Variants in BCAR3 observed in about 807,000 individuals in gnomAD.
The protein encoded by BCAR3 is breast cancer anti-estrogen resistance protein 3.
Under a neutral mutation model 80.1 loss-of-function variants are expected in BCAR3, and 37 were observed. The ratio of observed to expected loss-of-function variants is 0.46; its 90% CI spans 0.36 to 0.61. The LOEUF (loss-of-function observed/expected upper bound fraction) is 0.61, where lower values mean the gene tolerates loss of function less well. BCAR3 is among the 20% of genes least tolerant of loss of function. BCAR3 has a pLI of 0.00. For synonymous variants in BCAR3, 389 were observed against 418.9 expected (o/e 0.93, Z 0.87); for missense variants, 978 against 1,068.2 (o/e 0.92, Z 1.18).
chr1:93,709,390 A>G (rs903687034), intron 2 of BCAR3, among the ~76,000 whole-genome samples: 1 of 152,158 alleles, frequency 6.6e-6, no homozygotes, highest in Non-Finnish European at 1.5e-5. Flanking sequence ...AGAGAGACCA[A>G]TGAATCTGCC....
At chr1:93,651,100 A>T (rs1676310620) in intron 2 of BCAR3, among the ~76,000 whole-genome samples, 1 of 152,224 alleles carries the variant, frequency 6.6e-6, no homozygotes, top group Non-Finnish European at 1.5e-5. Flanking sequence ...AAGGTACTGA[A>T]GCCACATAAC....
chr1:93,699,865 A>G (rs1557659096), intron 3 of BCAR3, among the ~76,000 whole-genome samples: 1 of 152,136 alleles, frequency 6.6e-6, no homozygotes, highest in Admixed American at 6.5e-5. Context: ...CAAATGAGGA[A>G]ACAGACCCAG....
chr1:93,642,283 T>C, intron 3 of BCAR3, 21 bp downstream of exon 3: 1 of 1,611,844 alleles, frequency 6.2e-7, no homozygotes, highest in Non-Finnish European at 8.5e-7. Flanking sequence ...CACGGCTACA[T>C]GTTTAATTCT....
At chr1:93,651,297 C>T (rs1332157500) in intron 2 of BCAR3, among the ~76,000 whole-genome samples, 2 of 152,164 alleles carry the variant, frequency 1.3e-5, no homozygotes, top group Non-Finnish European at 2.9e-5. Flanking sequence ...TAAGGAAGTA[C>T]TTTCCAAAAA....
At position 93,705,202 on chromosome 1, in the gene BCAR3, G is replaced by A. The variant is rs138977092; in HGVS notation, c.-12+890C>T. On this transcript the variant is annotated intron_variant, in intron 3 of 13. Coordinates refer to the BCAR3 transcript ENST00000370244. The stretch of plus-strand genomic sequence containing the variant: ...GTTTCTGCGTGGAAAAGAACTTCAC[G>A]GGCTGGGTGGTATGTAAGCATCTCC... Among the ~76,000 whole-genome samples, 113 of 152,266 alleles carry A rather than the reference G, an allele frequency of 7.4e-4. 2 individuals are homozygous for A. Among genetic ancestry groups the A allele is most frequent in the Admixed American group, 1.3e-3 (20 of 15,292 alleles).
At chr1:93,775,763 G>A (rs549752106) in intron 2 of BCAR3, among the ~76,000 whole-genome samples, 1 of 152,268 alleles carries the variant, frequency 6.6e-6, no homozygotes, top group South Asian at 2.1e-4. Flanking sequence ...AAGCGAAGTT[G>A]CAAACATACT....
chr1:93,576,177 C>T, intron 7 of BCAR3, 48 bp from the exon 8 acceptor site: 1 of 1,437,234 alleles, frequency 7.0e-7, no homozygotes, highest in Non-Finnish European at 9.8e-7. Context: ...AGTGGGCTTG[C>T]CTGATCATGA....
intron 8 of BCAR3, among the ~76,000 whole-genome samples, chr1:93,574,146 G>A (rs1441496042): frequency 2.0e-5 from 3 of 151,264 alleles, no homozygotes; most frequent in African/African-American, 7.4e-5. Flanking sequence ...ACCAATATTT[G>A]CCTGAAACCT....
At chr1:93,647,975 T>C (rs746692846) in intron 2 of BCAR3, among the ~76,000 whole-genome samples, 4 of 152,142 alleles carry the variant, frequency 2.6e-5, no homozygotes, top group African/African-American at 4.8e-5. Context: ...GATTTCACCA[T>C]GTTGGCCAGG....
At chr1:93,703,858 C>T (rs1053029234) in intron 3 of BCAR3, among the ~76,000 whole-genome samples, 1 of 152,168 alleles carries the variant, frequency 6.6e-6, no homozygotes, top group Non-Finnish European at 1.5e-5. Flanking sequence ...AATGAATCAG[C>T]AAGACAAGTC....
At chr1:93,739,197 T>G (rs942071061) in intron 2 of BCAR3, among the ~76,000 whole-genome samples, 5 of 152,164 alleles carry the variant, frequency 3.3e-5, no homozygotes, top group East Asian at 1.9e-4. Flanking sequence ...CATGGTTACA[T>G]GACAGCTGCC....
chr1:93,750,504 C>T (rs1651521556), intron 2 of BCAR3, among the ~76,000 whole-genome samples: 1 of 152,210 alleles, frequency 6.6e-6, no homozygotes, highest in Admixed American at 6.5e-5. Context: ...GTCTTCCCAT[C>T]CAGAGCTGCC....
chr1:93,761,166 C>G (rs948211726), intron 2 of BCAR3, among the ~76,000 whole-genome samples: 148 of 152,170 alleles, frequency 9.7e-4, no homozygotes, highest in African/African-American at 3.4e-3. Context: ...TGGCAGGAGT[C>G]TGCCCCCTGT....
chr1:93,743,398 G>A (rs149289939), intron 2 of BCAR3, among the ~76,000 whole-genome samples: 1 of 152,306 alleles, frequency 6.6e-6, no homozygotes, highest in Non-Finnish European at 1.5e-5. Context: ...AGTAATACAG[G>A]CAGAGCTTAA....
rs74801408 is a variant in BCAR3 at position 93,843,173 on chromosome 1, A to G, written c.-63+2394T>C. Among the ~76,000 whole-genome samples, 581 of 152,310 alleles carry G rather than the reference A, an allele frequency of 3.8e-3. 4 individuals are homozygous for G. Among genetic ancestry groups the G allele is most frequent in the African/African-American group, 0.014 (564 of 41,572 alleles). On this transcript the variant is annotated intron_variant, in intron 2 of 13. Transcript: ENST00000370244. ...GGTTCTTGAACTAAGAACTGTGAGGAATTGAAGCTGAAGGTAGATGTCTTC... is the reference window on the plus strand; with the variant it reads ...GGTTCTTGAACTAAGAACTGTGAGGGATTGAAGCTGAAGGTAGATGTCTTC...
intron 2 of BCAR3, among the ~76,000 whole-genome samples, chr1:93,718,416 G>A (rs145820030): frequency 1.3e-3 from 196 of 152,300 alleles, no homozygotes; most frequent in African/African-American, 4.3e-3. Flanking sequence ...TGTGAGGAGC[G>A]ATGCTGGGCC....
intron 2 of BCAR3, among the ~76,000 whole-genome samples, chr1:93,673,275 ACTGCTACCC>A (rs1648307800): frequency 1.3e-5 from 2 of 152,214 alleles, no homozygotes; most frequent in Non-Finnish European, 2.9e-5. Context: ...CAGATGCTCC[ACTGCTACCC>A]TGTTAGTCCA....
chr1:93,583,571 A>C (rs1673815203), intron 6 of BCAR3, among the ~76,000 whole-genome samples: 1 of 152,094 alleles, frequency 6.6e-6, no homozygotes, highest in Non-Finnish European at 1.5e-5. Flanking sequence ...CCAGCCTTGG[A>C]AGCAGAATGG....
intron 2 of BCAR3, among the ~76,000 whole-genome samples, chr1:93,782,593 C>A (rs1652800120): frequency 6.6e-6 from 1 of 152,060 alleles, no homozygotes; most frequent in African/African-American, 2.4e-5. Flanking sequence ...TTAGGAAATA[C>A]AATCTGAGTG....
Sources: allele counts gnomAD v4.1 joint callset (sites outside exome capture counted in the v4.1 genomes callset), GRCh38; gene constraint gnomAD v4.1.1; transcripts MANE v1.5; gene names NCBI Gene and HGNC (gene_info 2026-07-23, HGNC 2026-07-21).